The following PDE10A variants were observed in gnomAD, a reference collection of about 807,000 sequenced individuals.
The protein encoded by PDE10A is cAMP and cAMP-inhibited cGMP 3',5'-cyclic phosphodiesterase 10A.
A neutral mutation model predicts 97.7 loss-of-function variants in PDE10A; 39 were observed. The ratio of observed to expected loss-of-function variants is 0.40; its 90% CI spans 0.31 to 0.52. The LOEUF (loss-of-function observed/expected upper bound fraction) is 0.52. PDE10A is among the 20% of genes least tolerant of loss of function. The pLI, the probability that PDE10A is intolerant of heterozygous loss-of-function variation, is 0.56. For synonymous variants in PDE10A, 371 were observed against 376.8 expected, an observed-to-expected ratio of 0.98 and a Z score of 0.18; for missense variants, 731 against 1,047.8, an observed-to-expected ratio of 0.70 and a Z score of 4.17.
At chr6:165,528,590 G>C (rs1415363745) in intron 2 of PDE10A, among the ~76,000 whole-genome samples, 2 of 152,240 alleles carry the variant, frequency 1.3e-5, no homozygotes, top group Non-Finnish European at 2.9e-5. Context: ...TCTGGATATA[G>C]GTTTGCCTAT....
intron 2 of PDE10A, among the ~76,000 whole-genome samples, chr6:165,529,631 C>T (rs1482048884): frequency 6.6e-6 from 1 of 152,158 alleles, no homozygotes; most frequent in African/African-American, 2.4e-5. Flanking sequence ...TGCGTGTATA[C>T]ACTTGTACTA....
intron 1 of PDE10A, among the ~76,000 whole-genome samples, chr6:165,962,142 C>G (rs1784380507): frequency 6.6e-6 from 1 of 152,220 alleles, no homozygotes; most frequent in Admixed American, 6.5e-5. Context: ...TTATTTGCCC[C>G]CACGGGCAAC....
intron 2 of PDE10A, among the ~76,000 whole-genome samples, chr6:165,511,545 G>T (rs1009882167): frequency 2.0e-5 from 3 of 151,940 alleles, no homozygotes; most frequent in Admixed American, 6.6e-5. Flanking sequence ...CCAAACACCA[G>T]TTTAAACACA....
At chr6:165,979,658 C>T (rs188895435) in intron 1 of PDE10A, among the ~76,000 whole-genome samples, 17 of 152,266 alleles carry the variant, frequency 1.1e-4, no homozygotes, top group Admixed American at 3.3e-4. Context: ...AGGGACAAAA[C>T]GGTACAAGGC....
At chr6:165,926,921 G>A (rs1255632694) in intron 1 of PDE10A, among the ~76,000 whole-genome samples, 1 of 152,174 alleles carries the variant, frequency 6.6e-6, no homozygotes, top group Admixed American at 6.5e-5. Context: ...GTGTGGGAGA[G>A]GGGTTGATTG....
chr6:165,358,157 C>G lies in PDE10A; in HGVS notation c.2784-14655G>C, dbSNP rs78351181. Among the ~76,000 whole-genome samples the G allele has an allele frequency of 3.2e-3, 490 of 152,166 alleles. 11 individuals carry two copies. The East Asian group carries it at 0.066, about 20-fold the overall frequency. On this transcript the variant is annotated intron_variant, in intron 18 of 21. Transcript: ENST00000539869. ...TATCATTATTTTTAATTTAATTCCTCTGTGGTAAAATAATACTCCTAAGAC... is the reference window on the plus strand; with the variant it reads ...TATCATTATTTTTAATTTAATTCCTGTGTGGTAAAATAATACTCCTAAGAC...
chr6:165,356,547 G>A (rs1583102519), intron 18 of PDE10A, among the ~76,000 whole-genome samples: 1 of 151,980 alleles, frequency 6.6e-6, no homozygotes, highest in East Asian at 1.9e-4. Flanking sequence ...TTAGCATGAT[G>A]AAGTCTCATC....
At chr6:165,338,135 A>G (rs1781757658) in intron 20 of PDE10A, among the ~76,000 whole-genome samples, 1 of 152,218 alleles carries the variant, frequency 6.6e-6, no homozygotes, top group Admixed American at 6.5e-5. Flanking sequence ...TCTAATCAAG[A>G]GGGAAAAGTG....
chr6:165,895,969 A>G (rs1256681746), intron 1 of PDE10A, among the ~76,000 whole-genome samples: 1 of 152,146 alleles, frequency 6.6e-6, no homozygotes, highest in African/African-American at 2.4e-5. Flanking sequence ...CATGGTGTGC[A>G]CCATGCCCAG....
chr6:165,848,516 T>C (rs1780486028), intron 1 of PDE10A, among the ~76,000 whole-genome samples: 1 of 152,180 alleles, frequency 6.6e-6, no homozygotes, highest in African/African-American at 2.4e-5. Flanking sequence ...ATTAATTGGA[T>C]TCCTTTTTTC....
chr6:165,902,926 CA>C (rs1407981635), intron 1 of PDE10A, among the ~76,000 whole-genome samples: 1 of 152,206 alleles, frequency 6.6e-6, no homozygotes, highest in Non-Finnish European at 1.5e-5. Flanking sequence ...TTAAGTGAAC[CA>C]GAAATAACTT....
intron 1 of PDE10A, among the ~76,000 whole-genome samples, chr6:165,676,822 A>G (rs2128438227): frequency 6.6e-6 from 1 of 152,110 alleles, no homozygotes; most frequent in East Asian, 1.9e-4. Flanking sequence ...GGGACTGGCG[A>G]GCGCCTCCCT....
intron 18 of PDE10A, among the ~76,000 whole-genome samples, chr6:165,344,479 C>A (rs755852403): frequency 5.3e-5 from 8 of 152,290 alleles, no homozygotes; most frequent in Admixed American, 3.3e-4. Context: ...TTTAAGCAAT[C>A]CCCTGCTGTT....
rs117104227 is a variant in PDE10A, at chr6:165,974,394, C to A, written c.-615+13135G>T. Among the ~76,000 whole-genome samples, 706 of 152,320 alleles carry A rather than the reference C, an allele frequency of 4.6e-3. 5 individuals carry two copies. Among genetic ancestry groups the A allele is most frequent in the Admixed American group, 7.8e-3 (119 of 15,306 alleles). On this transcript the variant is annotated intron_variant, in intron 1 of 19. Transcript: ENST00000366882. ...ACCAGGGGGTATAGTAAGTGCCTGG[C>A]ACACCACCCAGAGCCCTGGAGTTCT...
intron 1 of PDE10A, among the ~76,000 whole-genome samples, chr6:165,937,577 T>C (rs963321480): frequency 6.6e-6 from 1 of 152,240 alleles, no homozygotes; most frequent in African/African-American, 2.4e-5. Context: ...TTGGTACATG[T>C]CTTGACATCT....
chr6:165,431,474 T>TA lies in PDE10A; in HGVS notation c.1492-3dup, dbSNP rs747763623. On this transcript the variant is annotated splice_region_variant and splice_polypyrimidine_tract_variant and intron_variant, in intron 7 of 21. Transcript: ENST00000539869. ...CCAGGCAAGATTTGCTGTTGCAACC[T>TA]AAAAAAAACAAGAAATACATACCTA... The TA allele has an allele frequency of 1.8e-4, 288 of 1,577,002 alleles. No homozygotes were observed. The highest frequency in any genetic ancestry group is 5.1e-4 in the Middle Eastern group (3 of 5,930).
chr6:165,501,589 T>C (rs1390632418), intron 2 of PDE10A, among the ~76,000 whole-genome samples: 1 of 147,606 alleles, frequency 6.8e-6, no homozygotes, highest in Non-Finnish European at 1.5e-5. Flanking sequence ...AAAAAAAAAG[T>C]CCTGAGGAAT....
At chr6:165,840,633 G>T (rs1583175015) in intron 1 of PDE10A, among the ~76,000 whole-genome samples, 1 of 152,280 alleles carries the variant, frequency 6.6e-6, no homozygotes, top group Non-Finnish European at 1.5e-5. Context: ...GTGTCTTCAA[G>T]GTGCACACTT....
chr6:165,862,260 T>C (rs1201761327), intron 1 of PDE10A, among the ~76,000 whole-genome samples: 1 of 152,210 alleles, frequency 6.6e-6, no homozygotes, highest in Non-Finnish European at 1.5e-5. Flanking sequence ...GTAAATATGT[T>C]GTAAGTTGTT....
Sources: allele counts gnomAD v4.1 joint callset (sites outside exome capture counted in the v4.1 genomes callset), GRCh38; gene constraint gnomAD v4.1.1; transcripts MANE v1.5; gene names NCBI Gene and HGNC (gene_info 2026-07-23, HGNC 2026-07-21).